Variants in PRDM10 observed in about 807,000 individuals in gnomAD.
PRDM10 encodes PR domain zinc finger protein 10.
PRDM10 carries 65 observed loss-of-function variants against 133.1 expected under a neutral mutation model. The observed-to-expected ratio is 0.49, with a 90% confidence interval of 0.40 to 0.60. PRDM10 has a LOEUF of 0.60. PRDM10 is among the 20% of genes least tolerant of loss of function. The pLI, the probability that PRDM10 is intolerant of heterozygous loss-of-function variation, is 0.00. For synonymous variants in PRDM10, 582 were observed against 580.4 expected, an observed-to-expected ratio of 1.00 and a Z score of -0.04; for missense variants, 1,137 against 1,507.1, an observed-to-expected ratio of 0.75 and a Z score of 4.07.
intron 4 of PRDM10, among the ~76,000 whole-genome samples, chr11:129,950,922 C>T (rs184260075): frequency 2.6e-5 from 4 of 152,290 alleles, no homozygotes; most frequent in Non-Finnish European, 4.4e-5. Context: ...AAGATAAAAC[C>T]GGCCTTCACT....
chr11:129,985,731 G>A (rs1243695676), intron 1 of PRDM10, among the ~76,000 whole-genome samples: 10 of 126,388 alleles, frequency 7.9e-5, no homozygotes, highest in South Asian at 2.7e-4. Flanking sequence ...GCAGTGAGCC[G>A]AGATTGTGCC....
At chr11:129,905,847 T>C in intron 19 of PRDM10, 106 bp from the exon 20 acceptor site, 1 of 914,306 alleles carries the variant, frequency 1.1e-6, no homozygotes, top group Non-Finnish European at 1.7e-6. Flanking sequence ...TTGCTTGCCA[T>C]GAGAGTCTCA....
chr11:129,944,973 G>C lies in PRDM10; in HGVS notation c.560C>G (p.Pro187Arg). Residue 187 changes from proline to arginine, a missense_variant, in exon 6 of 21, where the codon CCG becomes CGG. Physicochemically the swap from Pro to Arg is moderately radical, Grantham distance 103. Transcript: ENST00000360871. ...GATCGGGTGCAAGGGGCCGTGCTTC[G>C]GACACACTGAAGCATGCGCGTTATT... ...ECNNAHASVC[P>R]KHGPLHPIPN... 2 of 1,613,096 alleles carry C rather than the reference G, an allele frequency of 1.2e-6. No individual in the cohort carries two copies. Among genetic ancestry groups the C allele is most frequent in the South Asian group, 2.2e-5 (2 of 91,012 alleles).
intron 4 of PRDM10, among the ~76,000 whole-genome samples, chr11:129,950,808 T>C (rs1951562769): frequency 1.3e-5 from 2 of 152,350 alleles, no homozygotes; most frequent in South Asian, 4.1e-4. Flanking sequence ...AATTCAGTTA[T>C]TCTAGTAAAA....
intron 1 of PRDM10, among the ~76,000 whole-genome samples, chr11:129,976,240 T>C (rs1267862326): frequency 6.6e-6 from 1 of 152,164 alleles, no homozygotes; most frequent in Non-Finnish European, 1.5e-5. Flanking sequence ...CCGATTCACC[T>C]TGGGTGTTGC....
rs546998792 is a variant in PRDM10, at chr11:129,980,837, T to C, written c.-118-19755A>G. ...AAGAGAGGATGGGAAGATGGAGAGA[T>C]AGCTAAAGGGTATGACATTTCTGGT... On this transcript the variant is annotated intron_variant, in intron 1 of 20. Coordinates refer to ENST00000360871, the MANE Select transcript of PRDM10 (RefSeq NM_199437.2). Among the ~76,000 whole-genome samples the C allele has an allele frequency of 2.7e-5, 4 of 149,002 alleles. No individual in the cohort carries two copies. The East Asian group carries it at 7.9e-4, about 29-fold the overall frequency.
intron 9 of PRDM10, among the ~76,000 whole-genome samples, chr11:129,933,893 G>A (rs998944725): frequency 3.3e-5 from 5 of 151,984 alleles, no homozygotes; most frequent in Non-Finnish European, 5.9e-5. Flanking sequence ...CTGCCCACTC[G>A]GACACTACCC....
At chr11:129,980,255 G>T (rs1211651420) in intron 1 of PRDM10, among the ~76,000 whole-genome samples, 1 of 152,124 alleles carries the variant, frequency 6.6e-6, no homozygotes, top group African/African-American at 2.4e-5. Context: ...AACGTTTATG[G>T]CAGTGTTATT....
intron 1 of PRDM10, 123 bp downstream of exon 1, chr11:130,002,599 T>C: frequency 6.6e-6 from 1 of 151,954 alleles, no homozygotes; most frequent in South Asian, 2.1e-4. Flanking sequence ...GGCCGGGCTC[T>C]GAGACGCGGA....
At chr11:129,933,700 CAT>C (rs1263893936) in intron 9 of PRDM10, among the ~76,000 whole-genome samples, 2 of 152,076 alleles carry the variant, frequency 1.3e-5, no homozygotes, top group African/African-American at 4.8e-5. Context: ...AGGGAGCTGG[CAT>C]ATAAACCAAA....
At chr11:129,995,973 A>G (rs1298845811) in intron 1 of PRDM10, among the ~76,000 whole-genome samples, 1 of 151,366 alleles carries the variant, frequency 6.6e-6, no homozygotes, top group Non-Finnish European at 1.5e-5. Flanking sequence ...AAAGAAAAAG[A>G]AAAAAAAAGG....
intron 17 of PRDM10, 148 bp downstream of exon 17, chr11:129,914,556 G>T: frequency 9.1e-7 from 1 of 1,094,968 alleles, no homozygotes; most frequent in Non-Finnish European, 1.4e-6. Context: ...TCATCAGCCT[G>T]AAAGGGGAAG....
intron 7 of PRDM10, among the ~76,000 whole-genome samples, chr11:129,941,524 C>A (rs1203972226): frequency 1.3e-5 from 2 of 152,098 alleles, no homozygotes; most frequent in African/African-American, 4.8e-5. Flanking sequence ...TGAAGTTAAC[C>A]GACATCTTTA....
intron 1 of PRDM10, among the ~76,000 whole-genome samples, chr11:129,985,185 C>G (rs1176625213): frequency 6.6e-6 from 1 of 152,114 alleles, no homozygotes; most frequent in Non-Finnish European, 1.5e-5. Flanking sequence ...TCCCAAAACC[C>G]TCTTAGGATG....
intron 7 of PRDM10, among the ~76,000 whole-genome samples, chr11:129,941,489 G>C (rs527609840): frequency 6.6e-6 from 1 of 152,284 alleles, no homozygotes; most frequent in South Asian, 2.1e-4. Context: ...CTAAACATCT[G>C]TTTCCCAACT....
intron 19 of PRDM10, among the ~76,000 whole-genome samples, chr11:129,907,480 C>T (rs932706871): frequency 2.0e-5 from 3 of 152,138 alleles, no homozygotes; most frequent in African/African-American, 7.2e-5. Context: ...TCTCGGCTCA[C>T]CACAACCTTC....
chr11:129,961,709 G>T (rs1024727909), intron 1 of PRDM10, among the ~76,000 whole-genome samples: 3 of 151,958 alleles, frequency 2.0e-5, no homozygotes, highest in Admixed American at 6.6e-5. Context: ...TTAAGAAAAA[G>T]AAATTTTAAA....
rs57377781 is a variant in PRDM10 at position 129,963,888 on chromosome 11, G to A, written c.-118-2806C>T. Among the ~76,000 whole-genome samples, 19 of 152,162 alleles carry A rather than the reference G, an allele frequency of 1.2e-4. No individual in the cohort carries two copies. In the East Asian group the frequency reaches 2.3e-3, roughly 19 times the overall value. On this transcript the variant is annotated intron_variant, in intron 1 of 20. Coordinates refer to ENST00000360871, the MANE Select transcript of PRDM10 (RefSeq NM_199437.2). The stretch of plus-strand genomic sequence containing the variant: ...TTTCTCCTGGCCTGGGATGCAATCC[G>A]GTACTGCACACAGCACGCTCAGCTG...
chr11:129,904,927 A>T (rs750436649), intron 20 of PRDM10, among the ~76,000 whole-genome samples: 79 of 152,382 alleles, frequency 5.2e-4, no homozygotes, highest in Admixed American at 1.0e-3. Context: ...TGCCCAACTT[A>T]GATAATTTAT....
Sources: allele counts gnomAD v4.1 joint callset (sites outside exome capture counted in the v4.1 genomes callset), GRCh38; gene constraint gnomAD v4.1.1; transcripts MANE v1.5; gene names NCBI Gene and HGNC (gene_info 2026-07-23, HGNC 2026-07-21).